The following KLHL26 variants were observed in gnomAD, a reference collection of about 807,000 sequenced individuals.
KLHL26 encodes kelch like family member 26.
KLHL26 carries 4 observed loss-of-function variants against 7.1 expected under a neutral mutation model. The ratio of observed to expected loss-of-function variants is 0.56; its 90% confidence interval spans 0.28 to 1.28. The LOEUF (loss-of-function observed/expected upper bound fraction) is 1.28. Ranked by LOEUF, KLHL26 falls within the 50% of genes most tolerant of loss-of-function variation. KLHL26 has a pLI of 0.11. For missense variants in KLHL26, 896 were observed against 924.6 expected (o/e 0.97, Z 0.40); for synonymous variants, 465 against 414.1 (o/e 1.12, Z -1.49).
At position 18,668,642 on chromosome 19, in the gene KLHL26, G is replaced by A. The variant is rs1381656197; in HGVS notation, c.1245G>A (p.Val415=). Residue 415 remains valine (V), a synonymous_variant, in exon 3 of 3, where the codon GTG becomes GTA. Coordinates refer to ENST00000300976, the MANE Select transcript of KLHL26 (RefSeq NM_018316.3). ...AGCTGAACGTGCTGTGCGGCATGGT[G>A]TACGCCACGGGCGGCCGCAACCGAG... ...QFQLNVLCGM[V]YATGGRNRAG... is the part of the protein sequence containing the mutation. 1.1e-5 allele frequency: 18 copies of A among 1,573,302 alleles called. No homozygotes were observed. The highest frequency in any genetic ancestry group is 1.7e-4 in the Middle Eastern group (1 of 6,034).
intron 1 of KLHL26, among the ~76,000 whole-genome samples, chr19:18,640,337 G>GTGA (rs1457374711): frequency 6.6e-6 from 1 of 151,792 alleles, no homozygotes; most frequent in African/African-American, 2.4e-5. Context: ...TTGGGCTCAG[G>GTGA]TGATCCTCCC....
intron 1 of KLHL26, among the ~76,000 whole-genome samples, chr19:18,643,211 G>A (rs988069455): frequency 2.0e-5 from 3 of 151,656 alleles, no homozygotes; most frequent in East Asian, 4.0e-4. Flanking sequence ...TTGGGAGGCC[G>A]AGGTGGGCAG....
chr19:18,644,942 C>T (rs1212928158), intron 1 of KLHL26, among the ~76,000 whole-genome samples: 2 of 152,084 alleles, frequency 1.3e-5, no homozygotes, highest in East Asian at 1.9e-4. Flanking sequence ...CCGCCCCCAA[C>T]GTTATATAAC....
chr19:18,657,145 T>TC (rs1568459722), intron 1 of KLHL26, among the ~76,000 whole-genome samples: 46 of 133,662 alleles, frequency 3.4e-4, no homozygotes, highest in African/African-American at 1.2e-3. Flanking sequence ...CTCTGTCTCC[T>TC]TGTCTCTGGG....
rs566040902 is a variant in KLHL26 at position 18,650,880 on chromosome 19, G to A, written c.84-13381G>A. 6.6e-6 allele frequency among the ~76,000 whole-genome samples: 1 copy of A among 152,246 alleles called. No individual in the cohort carries two copies. The highest frequency in any genetic ancestry group is 6.5e-5 in the Admixed American group (1 of 15,288). On this transcript the variant is annotated intron_variant, in intron 1 of 2. Coordinates refer to ENST00000300976, the MANE Select transcript of KLHL26 (RefSeq NM_018316.3). The surrounding 1 kb of genome is among the most constrained non-coding windows in gnomAD (Gnocchi z 4.2). Reference sequence around the variant, plus strand: ...ACTCGCCCTCAGAATGGCCCTCAGCGGGGCTTCCTGACCCCTCAGCCCCGG... The same window carrying A: ...ACTCGCCCTCAGAATGGCCCTCAGCAGGGCTTCCTGACCCCTCAGCCCCGG...
At position 18,668,529 on chromosome 19, in the gene KLHL26, G is replaced by A. The variant is rs1166390226; in HGVS notation, c.1132G>A (p.Gly378Ser). The A allele has an allele frequency of 6.3e-7, 1 of 1,596,838 alleles. No homozygotes were observed. The highest frequency in any genetic ancestry group is 8.5e-7 in the Non-Finnish European group (1 of 1,173,894). ...GQHLQYRSGE[G>S]AVDACYRYDP... ...GCACCTGCAGTACCGCAGCGGCGAG[G>A]GCGCAGTGGACGCCTGCTACCGCTA... The change falls in exon 3 of 3, where the codon GGC (glycine) becomes AGC (serine). Residue 378 changes from glycine to serine, a missense_variant. Gly to Ser is a moderately conservative substitution (Grantham distance 56). Coordinates refer to ENST00000300976, the MANE Select transcript of KLHL26 (RefSeq NM_018316.3).
chr19:18,667,496 G>GC, intron 2 of KLHL26, 168 bp from the exon 3 acceptor site: 1 of 1,220,044 alleles, frequency 8.2e-7, no homozygotes. Context: ...GAGCCACCGC[G>GC]CCCGGCCCCT....
intron 1 of KLHL26, among the ~76,000 whole-genome samples, chr19:18,642,130 A>G (rs1329950969): frequency 6.6e-6 from 1 of 152,178 alleles, no homozygotes; most frequent in Non-Finnish European, 1.5e-5. Flanking sequence ...TCATTTTGAG[A>G]CATTGAGTCT....
rs1028177560 is a variant in KLHL26 at position 18,650,518 on chromosome 19, C to A, written c.83+13381C>A. Among the ~76,000 whole-genome samples, 1 of 152,192 alleles carries A rather than the reference C, an allele frequency of 6.6e-6. No individual in the cohort carries two copies. The highest frequency in any genetic ancestry group is 6.5e-5 in the Admixed American group (1 of 15,282). ...AGTCCGTCCTGTCCCAGGAGGGCTG[C>A]GCTAGGTCTCTCCTCTGGCTCCCCC... On this transcript the variant is annotated intron_variant, in intron 1 of 2. Coordinates refer to ENST00000300976, the MANE Select transcript of KLHL26 (RefSeq NM_018316.3). The surrounding 1 kb of genome is among the most constrained non-coding windows in gnomAD (Gnocchi z 4.2).
At chr19:18,655,200 G>A (rs541059708) in intron 1 of KLHL26, among the ~76,000 whole-genome samples, 117 of 152,208 alleles carry the variant, frequency 7.7e-4, no homozygotes, top group Non-Finnish European at 9.8e-4. Flanking sequence ...GCGGCTGGAG[G>A]ACTAGTGGGG....
Position 18,649,287 on chromosome 19 carries a change from G to C in KLHL26, c.83+12150G>C, listed in dbSNP as rs554847011. Among the ~76,000 whole-genome samples the C allele has an allele frequency of 6.5e-4, 99 of 152,282 alleles. No homozygotes were observed. The highest frequency in any genetic ancestry group is 2.3e-3 in the African/African-American group (96 of 41,558). Reference sequence around the variant, plus strand: ...CTGGCGCTGGCACAGCTACTGGCACGGGATGGATGCTTTTGAGTGTAGATC... The same window carrying C: ...CTGGCGCTGGCACAGCTACTGGCACCGGATGGATGCTTTTGAGTGTAGATC... On this transcript the variant is annotated intron_variant, in intron 1 of 2. Transcript: ENST00000300976. The surrounding 1 kb of genome is among the most constrained non-coding windows in gnomAD (Gnocchi z 4.0).
intron 1 of KLHL26, among the ~76,000 whole-genome samples, chr19:18,663,732 C>T (rs1237115997): frequency 6.9e-6 from 1 of 145,648 alleles, no homozygotes; most frequent in Non-Finnish European, 1.5e-5. Flanking sequence ...ATCCGTTCAA[C>T]AGTTTCCCCA....
chr19:18,638,993 G>T (rs1359343893), intron 1 of KLHL26, among the ~76,000 whole-genome samples: 1 of 152,142 alleles, frequency 6.6e-6, no homozygotes, highest in African/African-American at 2.4e-5. Flanking sequence ...GAGCCACCAT[G>T]CTGGGCATGG....
chr19:18,667,473 G>GGATT (rs1267165707), intron 2 of KLHL26, 191 bp from the exon 3 acceptor site: 1 of 947,894 alleles, frequency 1.1e-6, no homozygotes, highest in African/African-American at 1.7e-5. Context: ...CAAAGTGCTG[G>GGATT]GATTACAGGC....
intron 2 of KLHL26, among the ~76,000 whole-genome samples, chr19:18,666,617 G>A (rs576012764): frequency 5.1e-4 from 78 of 152,264 alleles, no homozygotes; most frequent in African/African-American, 1.6e-3. Flanking sequence ...GTACAAGGGC[G>A]GAGCTGGGGT....
chr19:18,666,258 G>A (rs945824558), intron 2 of KLHL26, among the ~76,000 whole-genome samples: 7 of 152,070 alleles, frequency 4.6e-5, no homozygotes, highest in Non-Finnish European at 7.4e-5. Flanking sequence ...CCGAGATAGT[G>A]CCCTGGCAGC....
chr19:18,638,953 C>T (rs753945943), intron 1 of KLHL26, among the ~76,000 whole-genome samples: 5 of 152,140 alleles, frequency 3.3e-5, no homozygotes, highest in Non-Finnish European at 5.9e-5. Context: ...TCTTGCCTCA[C>T]CCCTCACTAA....
intron 1 of KLHL26, among the ~76,000 whole-genome samples, chr19:18,660,038 A>G (rs995288812): frequency 6.6e-6 from 1 of 152,184 alleles, no homozygotes; most frequent in African/African-American, 2.4e-5. Context: ...AGTAGTGAGC[A>G]GGTGGTCCCA....
At chr19:18,662,056 A>T (rs889168253) in intron 1 of KLHL26, among the ~76,000 whole-genome samples, 2 of 151,928 alleles carry the variant, frequency 1.3e-5, no homozygotes, top group Non-Finnish European at 2.9e-5. Context: ...ATTTGTATTG[A>T]TTTCTTGATG....
Sources: allele counts gnomAD v4.1 joint callset (sites outside exome capture counted in the v4.1 genomes callset), GRCh38; gene constraint gnomAD v4.1.1; non-coding constraint Gnocchi (gnomAD v3.1); transcripts MANE v1.5; gene names NCBI Gene and HGNC (gene_info 2026-07-23, HGNC 2026-07-21).